Variants in GRAMD4 observed in about 807,000 individuals in gnomAD.
GRAMD4 encodes GRAM domain containing 4.
A neutral mutation model predicts 83.9 loss-of-function variants in GRAMD4; 25 were observed. That is an observed-to-expected ratio of 0.30 (90% CI 0.22 to 0.42). GRAMD4 has a LOEUF of 0.42. GRAMD4 is among the 10% of genes least tolerant of loss of function. GRAMD4 has a pLI of 1.00. For missense variants in GRAMD4, 593 were observed against 788.7 expected, an observed-to-expected ratio of 0.75 and a Z score of 2.97; for synonymous variants, 336 against 320.9, an observed-to-expected ratio of 1.05 and a Z score of -0.50.
Position 46,658,222 on chromosome 22 carries a change from G to A in GRAMD4, c.319G>A (p.Ala107Thr), listed in dbSNP as rs762494029. The change falls in exon 4 of 19, where the codon GCG becomes ACG. Residue 107 changes from alanine to threonine, a missense_variant. Coordinates refer to ENST00000406902, the MANE Select transcript of GRAMD4 (RefSeq NM_015124.5). ...CCGGAAGCTGCGAGAAGAAACCAACGCGGAGATGCTGCGGCAGGAGCTGGA... is the reference window on the plus strand; with the variant it reads ...CCGGAAGCTGCGAGAAGAAACCAACACGGAGATGCTGCGGCAGGAGCTGGA... ...ELRKLREETN[A>T]EMLRQELDRE... is the part of the protein sequence containing the mutation. 2.4e-5 allele frequency: 38 copies of A among 1,613,654 alleles called. No individual in the cohort carries two copies. In the South Asian group the frequency reaches 3.1e-4, roughly 13 times the overall value.
chr22:46,595,279 C>T (rs2081250733), intron 1 of GRAMD4, among the ~76,000 whole-genome samples: 1 of 152,172 alleles, frequency 6.6e-6, no homozygotes, highest in Admixed American at 6.5e-5. Context: ...CTGGAACAAT[C>T]CAGACGGGGA....
rs2081557690 is a variant in GRAMD4, at chr22:46,620,494, C to G, written c.-121C>G. 2 of 982,806 alleles carry G rather than the reference C, an allele frequency of 2.0e-6. No individual in the cohort carries two copies. The highest frequency in any genetic ancestry group is 1.3e-4 in the Admixed American group (2 of 15,878). 60.9% of individuals were successfully genotyped at this position (982,806 alleles called of 1,614,324 possible). ...TGGTTCCTGGGTCCTCGTAGCACAT[C>G]CTGGTTCTGGGCCAGGACCTGAAGG... On this transcript the variant is annotated 5_prime_UTR_variant, in exon 1 of 19. It adds an upstream start codon to the 5' untranslated region. Coordinates refer to ENST00000406902, the MANE Select transcript of GRAMD4 (RefSeq NM_015124.5). This position sits in a 1 kb window ranked among gnomAD's most constrained non-coding sequence, Gnocchi z 4.7.
rs2082645107 is a variant in GRAMD4 at position 46,679,448 on chromosome 22, G to T, written c.*2197G>T. ...CAGGCCCCTCCCTGGAAGTCCTCGG[G>T]AGCGGAGCGCGGATCGGCACGGGCT... On this transcript the variant is annotated 3_prime_UTR_variant, in exon 19 of 19. Transcript: ENST00000406902. 8 of 985,456 alleles carry T rather than the reference G, an allele frequency of 8.1e-6. No individual in the cohort carries two copies. Among genetic ancestry groups the T allele is most frequent in the Non-Finnish European group, 8.4e-6 (7 of 829,950 alleles). 61.0% of individuals were successfully genotyped at this position (985,456 alleles called of 1,614,324 possible).
At chr22:46,638,339 G>A (rs1337254056) in intron 3 of GRAMD4, among the ~76,000 whole-genome samples, 2 of 152,266 alleles carry the variant, frequency 1.3e-5, no homozygotes, top group African/African-American at 4.8e-5. Flanking sequence ...GGGTGGCTCG[G>A]ACTTTTTCAG....
intron 1 of GRAMD4, among the ~76,000 whole-genome samples, chr22:46,624,583 C>T (rs1276645744): frequency 2.0e-5 from 3 of 152,148 alleles, no homozygotes; most frequent in Admixed American, 2.0e-4. Flanking sequence ...ACCTTGGCCT[C>T]CCAAAGTGCT....
intron 1 of GRAMD4, among the ~76,000 whole-genome samples, chr22:46,595,057 C>A (rs548141649): frequency 1.3e-5 from 2 of 152,076 alleles, no homozygotes; most frequent in Admixed American, 1.3e-4. Context: ...GGCCTGGCGT[C>A]GAGGCAAAGC....
chr22:46,636,379 A>G (rs2081888509), intron 2 of GRAMD4, among the ~76,000 whole-genome samples: 7 of 152,180 alleles, frequency 4.6e-5, no homozygotes, highest in African/African-American at 1.7e-4. Flanking sequence ...CCCTGCCTCC[A>G]CTCATGCCCT....
At chr22:46,579,541 C>T (rs1012064510) in intron 1 of GRAMD4, among the ~76,000 whole-genome samples, 1 of 152,212 alleles carries the variant, frequency 6.6e-6, no homozygotes, top group Non-Finnish European at 1.5e-5. Flanking sequence ...AGACATGTTA[C>T]AGAAACAGCA....
At chr22:46,617,540 T>TGTG (rs1459930118), upstream of GRAMD4, among the ~76,000 whole-genome samples, 2 of 151,798 alleles carry the variant, frequency 1.3e-5, no homozygotes, top group Non-Finnish European at 2.9e-5. Context: ...CCCTTGTGCG[T>TGTG]GTAGGTTCCT....
rs73888605 is a variant in GRAMD4, at chr22:46,661,321, G to T, written c.405-60G>T. ...GTCGCGAGAGCCCTCGGGGGTGCCT[G>T]ACTGGGCATGGAGTTTGGAACTAAC... On this transcript the variant is annotated intron_variant, in intron 4 of 18. Transcript: ENST00000406902. 1,490 of 1,390,006 alleles carry T rather than the reference G, an allele frequency of 1.1e-3. 15 individuals are homozygous for T. In the African/African-American group the frequency reaches 0.019, roughly 18 times the overall value. 86.1% of individuals were successfully genotyped at this position (1,390,006 alleles called of 1,614,324 possible). A position where few individuals can be genotyped will look rare whatever the true frequency, so the allele number is the denominator to read the frequency against.
chr22:46,653,344 C>G (rs1286974845), intron 3 of GRAMD4, among the ~76,000 whole-genome samples: 1 of 152,222 alleles, frequency 6.6e-6, no homozygotes, highest in East Asian at 1.9e-4. Context: ...TGGCCGGGCT[C>G]TGGCGTTCAC....
At chr22:46,667,071 C>T (rs1316543091) in intron 10 of GRAMD4, among the ~76,000 whole-genome samples, 198 bp downstream of exon 10, 1 of 152,220 alleles carries the variant, frequency 6.6e-6, no homozygotes, top group Non-Finnish European at 1.5e-5. Context: ...GCAAGCCCGG[C>T]CCCACATTCT....
chr22:46,611,073 G>A (rs1182096516), intron 1 of GRAMD4, among the ~76,000 whole-genome samples: 8 of 151,956 alleles, frequency 5.3e-5, no homozygotes, highest in Non-Finnish European at 2.9e-5. Context: ...AGAATTAGCC[G>A]GGCATGGTGG....
At chr22:46,637,757 C>T in intron 2 of GRAMD4, 83 bp from the exon 3 acceptor site, 1 of 1,495,828 alleles carries the variant, frequency 6.7e-7, no homozygotes. Flanking sequence ...CCTGGGGCCC[C>T]TGGGCACCTC....
chr22:46,640,930 C>G (rs1004623206), intron 3 of GRAMD4, among the ~76,000 whole-genome samples: 11 of 151,804 alleles, frequency 7.2e-5, no homozygotes, highest in Admixed American at 2.0e-4. Context: ...ACAAAAGCCA[C>G]GAGTCTAATA....
At chr22:46,681,116 A>G (rs1366662746), downstream of GRAMD4, among the ~76,000 whole-genome samples, 1 of 151,650 alleles carries the variant, frequency 6.6e-6, no homozygotes, top group Non-Finnish European at 1.5e-5. Context: ...CTTGCTCCTA[A>G]CTTGGAACAA....
intron 3 of GRAMD4, among the ~76,000 whole-genome samples, chr22:46,643,269 GTCC>G (rs2082015703): frequency 1.3e-5 from 1 of 78,352 alleles, no homozygotes. Context: ...CCGTCCATCC[GTCC>G]ATCCATCTAT....
At chr22:46,577,048 G>C (rs528852786), upstream of GRAMD4, 2 of 146,454 alleles carry the variant, frequency 1.4e-5, no homozygotes, top group South Asian at 2.0e-4. Flanking sequence ...GGTGCGGCGC[G>C]GGGCGGGGCG....
At position 46,677,610 on chromosome 22, in the gene GRAMD4, G is replaced by A; in HGVS notation, c.*359G>A. 1 of 1,028,556 alleles carries A rather than the reference G, an allele frequency of 9.7e-7. No homozygotes were observed. The highest frequency in any genetic ancestry group is 4.2e-5 in the South Asian group (1 of 23,918). 63.7% of individuals were successfully genotyped at this position (1,028,556 alleles called of 1,614,324 possible). On this transcript the variant is annotated 3_prime_UTR_variant, in exon 19 of 19. Coordinates refer to ENST00000406902, the MANE Select transcript of GRAMD4 (RefSeq NM_015124.5). Reference sequence around the variant, plus strand: ...AGAAACCTCTCCAGCCACCCCAAGAGGTTCTCGCAACCTTGTGTCCCGCTC... The same window carrying A: ...AGAAACCTCTCCAGCCACCCCAAGAAGTTCTCGCAACCTTGTGTCCCGCTC...
Sources: gnomAD v4.1 joint callset for allele counts (sites outside exome capture counted in the v4.1 genomes callset) on GRCh38, gnomAD v4.1.1 for gene constraint, Gnocchi (gnomAD v3.1) non-coding constraint, MANE v1.5 for transcripts, NCBI Gene and HGNC (gene_info 2026-07-23, HGNC 2026-07-21) for gene names.